CYP46A1: variants seen among roughly 807,000 people sequenced by gnomAD.
CYP46A1 encodes cholesterol 24-hydroxylase.
CYP46A1 carries 20 observed loss-of-function variants against 63.3 expected under a neutral mutation model. The ratio of observed to expected loss-of-function variants is 0.32; its 90% CI spans 0.22 to 0.46. CYP46A1 has a LOEUF of 0.46. Ranked by LOEUF, CYP46A1 falls within the 20% of genes least tolerant of loss-of-function variation. The pLI is 1.00. For synonymous variants in CYP46A1, 268 were observed against 273.6 expected (o/e 0.98, Z 0.20); for missense variants, 445 against 670.8 (o/e 0.66, Z 3.72).
Position 99,689,042 on chromosome 14 carries a change from T to A in CYP46A1, c.120-2039T>A, listed in dbSNP as rs199771370. ...GTGATGGCTTAGTTCTTGGTCCTCT[T>A]CTCTGTCTGTATCCATTCCCTTGTG... On this transcript the variant is annotated intron_variant, in intron 1 of 14. Transcript: ENST00000261835. 9.9e-5 allele frequency among the ~76,000 whole-genome samples: 15 copies of A among 152,264 alleles called. No individual in the cohort carries two copies. The East Asian group carries it at 1.9e-3, about 20-fold the overall frequency.
intron 6 of CYP46A1, among the ~76,000 whole-genome samples, 189 bp from the exon 7 acceptor site, chr14:99,707,379 G>A (rs2056687244): frequency 6.6e-6 from 1 of 152,210 alleles, no homozygotes; most frequent in Admixed American, 6.5e-5. Context: ...TAGCTACTAT[G>A]AGCTACTTCA....
chr14:99,721,894 G>A lies in CYP46A1; in HGVS notation c.1066-62G>A, dbSNP rs998265284. The A allele has an allele frequency of 4.9e-5, 69 of 1,395,348 alleles. 1 individual carries two copies. Among genetic ancestry groups the A allele is most frequent in the Admixed American group, 1.7e-4 (10 of 58,564 alleles). The allele number at this position is 1,395,348 out of a possible 1,614,324, so 86.4% of individuals were successfully genotyped here. A position where few individuals can be genotyped will look rare whatever the true frequency, so the allele number is the denominator to read the frequency against. ...AGACAGGGGTCCCAGGCATGCCGCC[G>A]GCCGGCATGATCTGTGGCCTCTCCC... On this transcript the variant is annotated intron_variant, in intron 11 of 14. Transcript: ENST00000261835.
At chr14:99,718,617 C>T (rs1388415547) in intron 10 of CYP46A1, among the ~76,000 whole-genome samples, 4 of 152,012 alleles carry the variant, frequency 2.6e-5, no homozygotes, top group African/African-American at 7.3e-5. Context: ...GTATTTGAGT[C>T]GGGCCATTGG....
chr14:99,707,191 G>A (rs1218655865), intron 6 of CYP46A1, among the ~76,000 whole-genome samples: 2 of 152,202 alleles, frequency 1.3e-5, no homozygotes, highest in Non-Finnish European at 2.9e-5. Context: ...GGGCGGGGCA[G>A]GTCAGGGAAC....
intron 5 of CYP46A1, among the ~76,000 whole-genome samples, chr14:99,704,742 T>C (rs1413976451): frequency 2.0e-5 from 3 of 152,208 alleles, no homozygotes; most frequent in Non-Finnish European, 4.4e-5. Flanking sequence ...TTGCCAACCA[T>C]GTAAGCATTA....
At chr14:99,697,602 T>C (rs1330742411) in intron 3 of CYP46A1, among the ~76,000 whole-genome samples, 4 of 152,162 alleles carry the variant, frequency 2.6e-5, no homozygotes, top group African/African-American at 7.2e-5. Context: ...TGTCTGAAAG[T>C]AGACATTTCA....
intron 5 of CYP46A1, among the ~76,000 whole-genome samples, chr14:99,702,939 A>G (rs2056644763): frequency 6.6e-6 from 1 of 152,128 alleles, no homozygotes; most frequent in Non-Finnish European, 1.5e-5. Context: ...CATGTTTTTC[A>G]TTTAATTCCC....
chr14:99,701,740 A>G (rs1208629317), intron 5 of CYP46A1, among the ~76,000 whole-genome samples: 1 of 152,204 alleles, frequency 6.6e-6, no homozygotes, highest in African/African-American at 2.4e-5. Flanking sequence ...ATAACCATCA[A>G]CACAGCACAT....
At chr14:99,719,066 T>C (rs1404954500) in intron 10 of CYP46A1, among the ~76,000 whole-genome samples, 1 of 152,094 alleles carries the variant, frequency 6.6e-6, no homozygotes, top group Admixed American at 6.5e-5. Context: ...ATCACAGCAT[T>C]GCCTACCTCA....
rs567810998 is a variant in CYP46A1, at chr14:99,727,113, G to T, written c.*386G>T. On this transcript the variant is annotated 3_prime_UTR_variant, in exon 15 of 15. Transcript: ENST00000261835. ...AGGGGCCCCTCCTCTGTGCTCCCTC[G>T]GTCACCTGTGCTACCTCTAACACCA... The T allele has an allele frequency of 5.1e-5, 11 of 213,906 alleles. No individual in the cohort carries two copies. Among genetic ancestry groups the T allele is most frequent in the Non-Finnish European group, 1.0e-4 (11 of 107,692 alleles). The allele number at this position is 213,906 out of a possible 1,614,324, so 13.3% of individuals were successfully genotyped here.
intron 1 of CYP46A1, among the ~76,000 whole-genome samples, chr14:99,689,938 C>A (rs1418044911): frequency 6.6e-6 from 1 of 152,170 alleles, no homozygotes; most frequent in East Asian, 1.9e-4. Context: ...AAATCTGGAC[C>A]ACAGCCCACA....
chr14:99,726,895 C>G lies in CYP46A1; in HGVS notation c.*168C>G. On this transcript the variant is annotated 3_prime_UTR_variant, in exon 15 of 15. Transcript: ENST00000261835. ...CCTGCTTCACACCCCTCAGCGCTCC[C>G]TGTCGCCTGCGGACTCCATGGCCCT... 1.9e-6 allele frequency: 1 copy of G among 528,212 alleles called. No individual in the cohort carries two copies. The highest frequency in any genetic ancestry group is 3.7e-5 in the South Asian group (1 of 27,332). 32.7% of individuals were successfully genotyped at this position (528,212 alleles called of 1,614,324 possible).
At chr14:99,693,898 GT>G (rs1397482771) in intron 3 of CYP46A1, among the ~76,000 whole-genome samples, 1 of 152,060 alleles carries the variant, frequency 6.6e-6, no homozygotes, top group African/African-American at 2.4e-5. Context: ...CATTCACATT[GT>G]TGTACATCCA....
chr14:99,710,054 G>A (rs990863498), intron 7 of CYP46A1: 2 of 152,170 alleles, frequency 1.3e-5, no homozygotes, highest in African/African-American at 2.4e-5. Flanking sequence ...ATCACTACTA[G>A]ACTGGCCCTA....
chr14:99,715,231 T>G (rs745683781), intron 7 of CYP46A1, among the ~76,000 whole-genome samples: 3 of 152,240 alleles, frequency 2.0e-5, no homozygotes, highest in Non-Finnish European at 2.9e-5. Context: ...TATTCATGTA[T>G]CAAAATATCA....
chr14:99,713,449 A>T, intron 7 of CYP46A1: 1 of 152,232 alleles, frequency 6.6e-6, no homozygotes, highest in African/African-American at 2.4e-5. Flanking sequence ...AAAAAAAAAA[A>T]AAATTAATAG....
intron 7 of CYP46A1, among the ~76,000 whole-genome samples, chr14:99,715,483 C>T (rs1279082311): frequency 6.6e-6 from 1 of 152,060 alleles, no homozygotes; most frequent in East Asian, 1.9e-4. Context: ...CTCTACTTCC[C>T]ACTGCTTGGG....
intron 1 of CYP46A1, among the ~76,000 whole-genome samples, chr14:99,687,780 C>G (rs1336391715): frequency 6.6e-6 from 1 of 152,106 alleles, no homozygotes. Flanking sequence ...TGGGGGATTG[C>G]CTCTCCTCTC....
chr14:99,684,684 ATTC>A (rs1202779949), intron 1 of CYP46A1, 148 bp downstream of exon 1: 2 of 696,146 alleles, frequency 2.9e-6, no homozygotes, highest in East Asian at 5.8e-5. Context: ...GGCGCTAACT[ATTC>A]TTAGTAACAA....
Sources: gnomAD v4.1 joint callset for allele counts (sites outside exome capture counted in the v4.1 genomes callset) on GRCh38, gnomAD v4.1.1 for gene constraint, MANE v1.5 for transcripts, NCBI Gene and HGNC (gene_info 2026-07-23, HGNC 2026-07-21) for gene names.